Variants in EYA2 observed in about 807,000 individuals in gnomAD.
EYA2 encodes the protein EYA transcriptional coactivator and phosphatase 2, also known as protein phosphatase EYA2.
A neutral mutation model predicts 69.2 loss-of-function variants in EYA2; 31 were observed. The observed-to-expected ratio is 0.45, with a 90% CI of 0.34 to 0.60. The LOEUF is 0.60. Among genes scored for constraint, EYA2 ranks in the 20% least tolerant of loss-of-function variants. The probability of loss-of-function intolerance (pLI) is 0.02; values close to 1 mark genes in which losing one functional copy is unlikely to be tolerated. For synonymous variants in EYA2, 257 were observed against 279.4 expected (o/e 0.92, Z 0.80); for missense variants, 622 against 701.2 (o/e 0.89, Z 1.28).
chr20:47,007,215 G>C (rs1982774206), intron 4 of EYA2, among the ~76,000 whole-genome samples: 2 of 152,236 alleles, frequency 1.3e-5, no homozygotes, highest in African/African-American at 4.8e-5. Context: ...ACAAGCGGGA[G>C]CCACTGTACC....
intron 8 of EYA2, among the ~76,000 whole-genome samples, chr20:47,090,621 A>G (rs1055562489): frequency 3.1e-4 from 47 of 152,306 alleles, no homozygotes; most frequent in Non-Finnish European, 2.8e-4. Context: ...GATAATCATC[A>G]TGAAACAGAT....
chr20:46,916,976 G>A (rs916903577), intron 1 of EYA2, among the ~76,000 whole-genome samples: 22 of 152,022 alleles, frequency 1.4e-4, no homozygotes, highest in African/African-American at 5.1e-4. Flanking sequence ...CTTAGAACAA[G>A]GCTCAGTTTA....
At chr20:46,917,576 T>C (rs1984967849) in intron 1 of EYA2, among the ~76,000 whole-genome samples, 1 of 152,206 alleles carries the variant, frequency 6.6e-6, no homozygotes, top group Non-Finnish European at 1.5e-5. Context: ...TTGGAGATGC[T>C]GCGGGGTTGG....
rs758003318 is a variant in EYA2 at position 47,089,375 on chromosome 20, G to A, written c.798G>A (p.Glu266=). 3 of 1,612,984 alleles carry A rather than the reference G, an allele frequency of 1.9e-6. No individual in the cohort carries two copies. The highest frequency in any genetic ancestry group is 2.2e-5 in the East Asian group (1 of 44,856). ...ACCCGTCCCCGGCAGGGGACAATGAGATTGAGGTAATCCAAAGGGGCTCTG... is the reference window on the plus strand; with the variant it reads ...ACCCGTCCCCGGCAGGGGACAATGAAATTGAGGTAATCCAAAGGGGCTCTG... ...SSDPSPAGDN[E]IERVFVWDLD... is the part of the protein sequence containing the mutation. Residue 266 remains glutamate, a synonymous_variant, in exon 8 of 16, where the codon GAG becomes GAA. Coordinates refer to ENST00000327619, the MANE Select transcript of EYA2 (RefSeq NM_005244.5).
chr20:47,116,022 G>T (rs144624361), intron 9 of EYA2, among the ~76,000 whole-genome samples: 2 of 152,134 alleles, frequency 1.3e-5, no homozygotes, highest in South Asian at 4.1e-4. Flanking sequence ...GTCCAGTGTG[G>T]TATCCTTAGG....
chr20:47,089,509 C>T, intron 8 of EYA2, 128 bp downstream of exon 8: 2 of 1,113,050 alleles, frequency 1.8e-6, no homozygotes, highest in African/African-American at 1.6e-5. Flanking sequence ...AAAGCATGAG[C>T]AGGGAAGCAT....
intron 5 of EYA2, among the ~76,000 whole-genome samples, chr20:47,047,394 C>CTTTTTTTTTTTT (rs1440846354): frequency 1.5e-5 from 2 of 129,134 alleles, no homozygotes; most frequent in African/African-American, 6.0e-5. Context: ...GTCTCTCTCT[C>CTTTTTTTTTTTT]TCTTTTTTTT....
chr20:46,988,106 G>A (rs1981411813), intron 1 of EYA2, among the ~76,000 whole-genome samples: 2 of 147,748 alleles, frequency 1.4e-5, no homozygotes, highest in South Asian at 4.3e-4. Context: ...GTAATCTAGA[G>A]ATGATTTAAA....
chr20:47,083,055 G>T (rs1427075725), intron 7 of EYA2, among the ~76,000 whole-genome samples: 2 of 152,034 alleles, frequency 1.3e-5, no homozygotes, highest in Admixed American at 6.5e-5. Context: ...AACCCAGGCA[G>T]TGGGTTGTGC....
At chr20:47,102,771 A>G (rs2032459583) in intron 9 of EYA2, among the ~76,000 whole-genome samples, 1 of 152,146 alleles carries the variant, frequency 6.6e-6, no homozygotes, top group African/African-American at 2.4e-5. Flanking sequence ...TGTATCTCCC[A>G]GCATCTTGTG....
chr20:47,039,623 C>G (rs1984924497), intron 5 of EYA2, among the ~76,000 whole-genome samples: 1 of 152,102 alleles, frequency 6.6e-6, no homozygotes, highest in African/African-American at 2.4e-5. Flanking sequence ...AAAATCACAC[C>G]CTCACTGCCT....
At chr20:46,978,310 A>G (rs2146308724) in intron 1 of EYA2, 1 of 296,374 alleles carries the variant, frequency 3.4e-6, no homozygotes, top group Admixed American at 4.2e-5. Context: ...AAACACCTGT[A>G]AAAACTGTTA....
chr20:47,109,594 G>A (rs1212542064), intron 9 of EYA2, among the ~76,000 whole-genome samples: 1 of 152,038 alleles, frequency 6.6e-6, no homozygotes, highest in African/African-American at 2.4e-5. Context: ...TGTTGCCCAC[G>A]CTAGTCTCGA....
chr20:46,911,231 TTGTGTGTG>T (rs140564632), intron 1 of EYA2, among the ~76,000 whole-genome samples: 10 of 148,238 alleles, frequency 6.7e-5, no homozygotes, highest in Middle Eastern at 3.3e-3. Context: ...GCTGGATAAT[TTGTGTGTG>T]TGTGTGTGTG....
At chr20:47,088,408 C>A (rs2031964065) in intron 7 of EYA2, among the ~76,000 whole-genome samples, 1 of 152,116 alleles carries the variant, frequency 6.6e-6, no homozygotes, top group African/African-American at 2.4e-5. Flanking sequence ...TGCCCTCCTT[C>A]TGTTCATCTA....
At chr20:46,948,829 T>G (rs563258798) in intron 1 of EYA2, among the ~76,000 whole-genome samples, 75 of 152,244 alleles carry the variant, frequency 4.9e-4, no homozygotes, top group Non-Finnish European at 9.7e-4. Flanking sequence ...TGTTCTTCAT[T>G]CAAGCTTGAG....
intron 7 of EYA2, among the ~76,000 whole-genome samples, chr20:47,075,633 A>G (rs1191180911): frequency 2.0e-5 from 3 of 152,194 alleles, no homozygotes; most frequent in Non-Finnish European, 2.9e-5. Flanking sequence ...GGGTTCAAGT[A>G]TAGCGACTCA....
At chr20:47,156,085 T>TACACAC (rs1320084095) in intron 10 of EYA2, among the ~76,000 whole-genome samples, 18 of 28,778 alleles carry the variant, frequency 6.3e-4, no homozygotes, top group Non-Finnish European at 9.7e-4. Flanking sequence ...CACATATATA[T>TACACAC]ACATACACAC....
At chr20:47,156,169 TA>T (rs2033944351) in intron 10 of EYA2, among the ~76,000 whole-genome samples, 1 of 74,452 alleles carries the variant, frequency 1.3e-5, no homozygotes, top group Non-Finnish European at 2.6e-5. Flanking sequence ...TATATATATA[TA>T]TATATATATA....
Sources: gnomAD v4.1 joint callset for allele counts (sites outside exome capture counted in the v4.1 genomes callset) on GRCh38, gnomAD v4.1.1 for gene constraint, MANE v1.5 for transcripts, NCBI Gene and HGNC (gene_info 2026-07-23, HGNC 2026-07-21) for gene names.